SESN3: variants seen among roughly 807,000 people sequenced by gnomAD.
SESN3 encodes sestrin-3.
Under a neutral mutation model 55.3 loss-of-function variants are expected in SESN3, and 21 were observed. The ratio of observed to expected loss-of-function variants is 0.38; its 90% confidence interval spans 0.27 to 0.55. The LOEUF (loss-of-function observed/expected upper bound fraction) is 0.55, where lower values mean the gene tolerates loss of function less well. Among genes scored for constraint, SESN3 ranks in the 20% least tolerant of loss-of-function variants. SESN3 has a pLI of 0.76. For missense variants in SESN3, 408 were observed against 604.3 expected (o/e 0.68, Z 3.41); for synonymous variants, 181 against 203.1 (o/e 0.89, Z 0.93).
At chr11:95,213,736 TC>T (rs2134258423) in intron 1 of SESN3, among the ~76,000 whole-genome samples, 1 of 152,326 alleles carries the variant, frequency 6.6e-6, no homozygotes, top group South Asian at 2.1e-4. Flanking sequence ...CATAATTTAG[TC>T]AGTATTTTTA....
In SESN3 at chr11:95,230,727, AG is replaced by A; in HGVS notation, c.78+55del. The stretch of plus-strand genomic sequence containing the variant: ...TGCGCGCCCGGGGACGAGCCGCCCG[AG>A]CCCCGGCCGGCAGGAAGCGACCCTC... On this transcript the variant is annotated intron_variant, in intron 1 of 9. Coordinates refer to ENST00000536441, the MANE Select transcript of SESN3 (RefSeq NM_144665.4). The surrounding 1 kb of genome is among the most constrained non-coding windows in gnomAD (Gnocchi z 4.6). The A allele has an allele frequency of 7.2e-7, 1 of 1,381,280 alleles. No individual in the cohort carries two copies. Among genetic ancestry groups the A allele is most frequent in the Non-Finnish European group, 1.0e-6 (1 of 987,068 alleles). The allele number at this position is 1,381,280 out of a possible 1,614,324, so 85.6% of individuals were successfully genotyped here.
chr11:95,182,120 G>T (rs1391527065), intron 6 of SESN3: 1 of 323,352 alleles, frequency 3.1e-6, no homozygotes, highest in South Asian at 2.6e-5. Context: ...CCAGCTTAAA[G>T]TTCCAAGAAG....
chr11:95,176,277 T>C (rs1859953835), intron 8 of SESN3, among the ~76,000 whole-genome samples: 1 of 152,010 alleles, frequency 6.6e-6, no homozygotes, highest in Non-Finnish European at 1.5e-5. Context: ...GATAAGAAAA[T>C]AGTGACAGTA....
chr11:95,203,893 T>G (rs948676059), intron 1 of SESN3: 1 of 152,368 alleles, frequency 6.6e-6, no homozygotes, highest in African/African-American at 2.4e-5. Flanking sequence ...TCCAGCAGTA[T>G]GTCTCCAAAT....
chr11:95,183,380 G>C (rs368262559), intron 6 of SESN3, among the ~76,000 whole-genome samples: 3 of 151,886 alleles, frequency 2.0e-5, no homozygotes, highest in South Asian at 4.2e-4. Context: ...TGATAAAAAG[G>C]GTTCTTGTTC....
intron 1 of SESN3, among the ~76,000 whole-genome samples, chr11:95,196,124 CTAACACAATTTTTAAGTTT>C (rs1860357165): frequency 6.6e-6 from 1 of 152,058 alleles, no homozygotes; most frequent in South Asian, 2.1e-4. Flanking sequence ...TAAAAGAAAA[CTAACACAATTTTTAAGTTT>C]TAACATCATG....
chr11:95,197,449 T>TC (rs1298360070), intron 1 of SESN3, among the ~76,000 whole-genome samples: 1 of 150,428 alleles, frequency 6.6e-6, no homozygotes, highest in East Asian at 1.9e-4. Flanking sequence ...TCTTTTCTTT[T>TC]TTTTTTTTTT....
chr11:95,183,044 A>G (rs1186579371), intron 6 of SESN3, among the ~76,000 whole-genome samples: 1 of 152,076 alleles, frequency 6.6e-6, no homozygotes, highest in Non-Finnish European at 1.5e-5. Context: ...CTAGGCTCCT[A>G]TCTTTCACAT....
chr11:95,228,828 A>G (rs933232496), intron 1 of SESN3, among the ~76,000 whole-genome samples: 4 of 152,222 alleles, frequency 2.6e-5, no homozygotes, highest in African/African-American at 9.6e-5. Flanking sequence ...CTCTTTTTCC[A>G]CGTTTCTTTT....
At chr11:95,173,727 GA>G (rs936509283) in intron 9 of SESN3, among the ~76,000 whole-genome samples, 5 of 150,846 alleles carry the variant, frequency 3.3e-5, no homozygotes, top group Non-Finnish European at 7.4e-5. Flanking sequence ...CTTATCCTGT[GA>G]AAAGCTTTAA....
At chr11:95,185,868 T>A (rs1860153260) in intron 4 of SESN3, among the ~76,000 whole-genome samples, 1 of 151,964 alleles carries the variant, frequency 6.6e-6, no homozygotes, top group South Asian at 2.1e-4. Flanking sequence ...GGAAACTTCA[T>A]CTCACAAAAT....
upstream of SESN3, chr11:95,231,399 T>A: frequency 2.8e-6 from 1 of 358,656 alleles, no homozygotes; most frequent in Non-Finnish European, 5.0e-6. Context: ...TAAGTTTATC[T>A]CCGAGGCTCG....
intron 1 of SESN3, among the ~76,000 whole-genome samples, chr11:95,222,101 TA>T (rs1232372339): frequency 1.3e-5 from 2 of 152,176 alleles, no homozygotes; most frequent in Non-Finnish European, 2.9e-5. Flanking sequence ...TACCCTTAAC[TA>T]CTCAAAAACA....
At position 95,186,283 on chromosome 11, in the gene SESN3, T is replaced by C. The variant is rs565692820; in HGVS notation, c.526-791A>G. Among the ~76,000 whole-genome samples, 28 of 147,734 alleles carry C rather than the reference T, an allele frequency of 1.9e-4. No individual in the cohort carries two copies. The South Asian group carries it at 6.0e-3, about 32-fold the overall frequency. The stretch of plus-strand genomic sequence containing the variant: ...AATCTCATCCCTCTCTTTCCCTCCT[T>C]CCAAATCTAAAACTTTCATTTGGCT... On this transcript the variant is annotated intron_variant, in intron 4 of 9. Transcript: ENST00000536441.
At chr11:95,174,632 C>T (rs955344796) in intron 9 of SESN3, among the ~76,000 whole-genome samples, 4 of 151,916 alleles carry the variant, frequency 2.6e-5, no homozygotes, top group African/African-American at 4.8e-5. Context: ...AACAGGCATG[C>T]ACAACCATGC....
chr11:95,229,048 T>A (rs984451788), intron 1 of SESN3, among the ~76,000 whole-genome samples: 18 of 152,246 alleles, frequency 1.2e-4, no homozygotes, highest in Non-Finnish European at 2.2e-4. Context: ...CATTAAAAAA[T>A]TTTTTTATCA....
At chr11:95,216,781 T>A (rs1860765801) in intron 1 of SESN3, among the ~76,000 whole-genome samples, 2 of 150,092 alleles carry the variant, frequency 1.3e-5, no homozygotes, top group South Asian at 2.1e-4. Flanking sequence ...ACCACACAGA[T>A]GTCTTGTAGT....
chr11:95,191,573 C>T lies in SESN3; in HGVS notation c.173G>A (p.Arg58His), dbSNP rs560474158. Reference sequence around the variant, plus strand: ...GTATTCTTCCACAAGAAAGTTAGTACGTTCATCCACTGTGTTTGCTTGGAC... The same window carrying T: ...GTATTCTTCCACAAGAAAGTTAGTATGTTCATCCACTGTGTTTGCTTGGAC... ...EVVQANTVDE[R>H]TNFLVEEYST... Residue 58 changes from arginine (R) to histidine (H), a missense_variant, in exon 3 of 10, where the codon CGT becomes CAT. Coordinates refer to ENST00000536441, the MANE Select transcript of SESN3 (RefSeq NM_144665.4). 182 of 1,612,552 alleles carry T rather than the reference C, an allele frequency of 1.1e-4. No homozygotes were observed. Among genetic ancestry groups the T allele is most frequent in the South Asian group, 2.5e-4 (23 of 91,038 alleles).
At chr11:95,174,684 T>C (rs2134212695) in intron 9 of SESN3, among the ~76,000 whole-genome samples, 1 of 152,036 alleles carries the variant, frequency 6.6e-6, no homozygotes, top group East Asian at 1.9e-4. Context: ...GGGGTTTCAC[T>C]ACATGTTGGC....
Sources: allele counts gnomAD v4.1 joint callset (sites outside exome capture counted in the v4.1 genomes callset), GRCh38; gene constraint gnomAD v4.1.1; non-coding constraint Gnocchi (gnomAD v3.1); transcripts MANE v1.5; gene names NCBI Gene and HGNC (gene_info 2026-07-23, HGNC 2026-07-21).